Variants in RSRC1 observed in about 807,000 individuals in gnomAD.
RSRC1 encodes arginine and serine rich coiled-coil 1.
A neutral mutation model predicts 49.1 loss-of-function variants in RSRC1; 39 were observed. The ratio of observed to expected loss-of-function variants is 0.79; its 90% CI spans 0.61 to 1.04. RSRC1 has a LOEUF of 1.04. Ranked by LOEUF, RSRC1 falls within the 50% of genes least tolerant of loss-of-function variation. The probability of loss-of-function intolerance (pLI) is 0.00; values close to 1 mark genes in which losing one functional copy is unlikely to be tolerated. For missense variants in RSRC1, 388 were observed against 402.4 expected, an observed-to-expected ratio of 0.96 and a Z score of 0.31; for synonymous variants, 143 against 130.8, an observed-to-expected ratio of 1.09 and a Z score of -0.63.
At chr3:158,451,195 A>T (rs1056680984) in intron 6 of RSRC1, among the ~76,000 whole-genome samples, 1 of 151,868 alleles carries the variant, frequency 6.6e-6, no homozygotes, top group Admixed American at 6.6e-5. Context: ...AGTTGCTGAT[A>T]ACTAAAAGTT....
chr3:158,259,628 G>T (rs1188232937), intron 4 of RSRC1, among the ~76,000 whole-genome samples: 1 of 152,204 alleles, frequency 6.6e-6, no homozygotes, highest in Non-Finnish European at 1.5e-5. Context: ...TCCACAGGTG[G>T]TGAGTCTAGC....
intron 3 of RSRC1, among the ~76,000 whole-genome samples, chr3:158,155,989 T>G (rs1717851875): frequency 6.6e-6 from 1 of 152,194 alleles, no homozygotes; most frequent in African/African-American, 2.4e-5. Flanking sequence ...CTGCCTGTCC[T>G]TTGAAGCTTT....
intron 4 of RSRC1, among the ~76,000 whole-genome samples, chr3:158,263,113 C>T (rs1402270743): frequency 6.6e-6 from 1 of 152,042 alleles, no homozygotes; most frequent in Non-Finnish European, 1.5e-5. Flanking sequence ...TACTTATGAT[C>T]TTAGGTAATA....
chr3:158,346,134 C>G (rs1730542448), intron 5 of RSRC1, among the ~76,000 whole-genome samples: 1 of 152,010 alleles, frequency 6.6e-6, no homozygotes, highest in Non-Finnish European at 1.5e-5. Flanking sequence ...AATACACCAC[C>G]ATAAAAGCCT....
At chr3:158,435,000 A>G (rs1277380649) in intron 6 of RSRC1, among the ~76,000 whole-genome samples, 1 of 151,924 alleles carries the variant, frequency 6.6e-6, no homozygotes, top group African/African-American at 2.4e-5. Context: ...AGGATCTCAA[A>G]CTCATTAAGT....
intron 4 of RSRC1, among the ~76,000 whole-genome samples, chr3:158,270,333 T>A (rs1185587401): frequency 6.6e-6 from 1 of 152,170 alleles, no homozygotes; most frequent in Non-Finnish European, 1.5e-5. Flanking sequence ...AACCATGATC[T>A]TGGAACCCGA....
intron 6 of RSRC1, among the ~76,000 whole-genome samples, chr3:158,409,177 A>G (rs1350285910): frequency 1.3e-5 from 2 of 152,116 alleles, no homozygotes; most frequent in Non-Finnish European, 2.9e-5. Context: ...AACAATAACT[A>G]ATGGATACTA....
chr3:158,374,259 C>G (rs1732234307), intron 6 of RSRC1, among the ~76,000 whole-genome samples: 1 of 152,004 alleles, frequency 6.6e-6, no homozygotes, highest in Non-Finnish European at 1.5e-5. Flanking sequence ...TAATGCAATT[C>G]ACAAAGTATT....
intron 3 of RSRC1, among the ~76,000 whole-genome samples, chr3:158,154,033 C>G (rs1265921801): frequency 6.6e-6 from 1 of 152,106 alleles, no homozygotes; most frequent in African/African-American, 2.4e-5. Context: ...GACAGCTATA[C>G]CTCAGAGATA....
intron 4 of RSRC1, among the ~76,000 whole-genome samples, chr3:158,275,117 T>C (rs1448843189): frequency 1.3e-5 from 2 of 152,218 alleles, no homozygotes; most frequent in Non-Finnish European, 1.5e-5. Context: ...TATTGATTGC[T>C]AGCTTACCAA....
chr3:158,527,432 A>T (rs987819011), intron 7 of RSRC1, among the ~76,000 whole-genome samples: 4 of 151,944 alleles, frequency 2.6e-5, no homozygotes, highest in African/African-American at 9.7e-5. Context: ...GAATATAAGC[A>T]GAATACATCT....
intron 5 of RSRC1, among the ~76,000 whole-genome samples, chr3:158,349,463 G>A (rs1730739947): frequency 6.6e-6 from 1 of 151,962 alleles, no homozygotes; most frequent in Non-Finnish European, 1.5e-5. Flanking sequence ...CTTACAAATG[G>A]AGTTAAGTAG....
chr3:158,124,502 T>G (rs1715489254), intron 3 of RSRC1, among the ~76,000 whole-genome samples: 4 of 152,308 alleles, frequency 2.6e-5, no homozygotes, highest in Admixed American at 1.3e-4. Context: ...TGACATTAAT[T>G]TCTTTTTAAA....
chr3:158,504,393 C>T (rs1739757975), intron 7 of RSRC1, among the ~76,000 whole-genome samples: 1 of 152,236 alleles, frequency 6.6e-6, no homozygotes, highest in African/African-American at 2.4e-5. Flanking sequence ...TCCTGCTTCC[C>T]ATCTGCCATG....
At chr3:158,129,774 T>C (rs1436994786) in intron 3 of RSRC1, among the ~76,000 whole-genome samples, 1 of 152,238 alleles carries the variant, frequency 6.6e-6, no homozygotes, top group Non-Finnish European at 1.5e-5. Flanking sequence ...GGTGTTATTG[T>C]TTACATTTTC....
intron 3 of RSRC1, among the ~76,000 whole-genome samples, chr3:158,149,812 T>TTGAAAAATCATGTTCCTATTGTTC (rs1717411517): frequency 6.6e-6 from 1 of 152,184 alleles, no homozygotes; most frequent in Non-Finnish European, 1.5e-5. Context: ...ATACAGCACT[T>TTGAAAAATCATGTTCCTATTGTTC]TGAAAAATCA....
At chr3:158,148,362 T>C (rs1341847194) in intron 3 of RSRC1, among the ~76,000 whole-genome samples, 3 of 104,448 alleles carry the variant, frequency 2.9e-5, no homozygotes, top group African/African-American at 4.1e-5. Flanking sequence ...TGTGTGTGTG[T>C]GTGCGTGTGT....
At chr3:158,340,904 T>C (rs185366481) in intron 5 of RSRC1, among the ~76,000 whole-genome samples, 97 of 152,324 alleles carry the variant, frequency 6.4e-4, no homozygotes, top group African/African-American at 2.2e-3. Context: ...CAATCCAGGC[T>C]GAGGTGGTCA....
In RSRC1 at chr3:158,229,112, A is replaced by G. The variant is rs567865833; in HGVS notation, c.494+25867A>G. 2.4e-4 allele frequency among the ~76,000 whole-genome samples: 37 copies of G among 151,196 alleles called. 9 individuals carry two copies. Among genetic ancestry groups the G allele is most frequent in the African/African-American group, 4.4e-4 (18 of 41,202 alleles). ...TAAACACACATACGTGTATATGTGT[A>G]TATAAACATACGTGTATATGTGTAT... On this transcript the variant is annotated intron_variant, in intron 4 of 9. Transcript: ENST00000611884.
Sources: gnomAD v4.1 joint callset for allele counts (sites outside exome capture counted in the v4.1 genomes callset) on GRCh38, gnomAD v4.1.1 for gene constraint, MANE v1.5 for transcripts, NCBI Gene and HGNC (gene_info 2026-07-23, HGNC 2026-07-21) for gene names.